ROBO1: variants seen among roughly 807,000 people sequenced by gnomAD.
ROBO1 encodes roundabout homolog 1.
ROBO1 carries 149 observed loss-of-function variants against 195.9 expected under a neutral mutation model. The ratio of observed to expected loss-of-function variants is 0.76; its 90% CI spans 0.67 to 0.87. ROBO1 has a LOEUF of 0.87. Among genes scored for constraint, ROBO1 ranks in the 40% least tolerant of loss-of-function variants. ROBO1 has a pLI of 0.00. For missense variants in ROBO1, 1,933 were observed against 2,068.3 expected, an observed-to-expected ratio of 0.93 and a Z score of 1.27; for synonymous variants, 816 against 733.2, an observed-to-expected ratio of 1.11 and a Z score of -1.82.
chr3:78,972,097 T>C (rs181328688), intron 3 of ROBO1, among the ~76,000 whole-genome samples: 31 of 152,330 alleles, frequency 2.0e-4, no homozygotes, highest in Admixed American at 8.5e-4. Context: ...AAAAGTTAAT[T>C]AAACACATTC....
intron 4 of ROBO1, among the ~76,000 whole-genome samples, chr3:78,934,792 T>C (rs1338835822): frequency 1.3e-5 from 2 of 151,874 alleles, no homozygotes; most frequent in African/African-American, 4.8e-5. Context: ...GATACACACA[T>C]AGACACACAC....
chr3:79,726,726 T>C (rs543988371), intron 1 of ROBO1, among the ~76,000 whole-genome samples: 1 of 152,300 alleles, frequency 6.6e-6, no homozygotes, highest in South Asian at 2.1e-4. Flanking sequence ...AATACATTTG[T>C]ACCTATATTT....
chr3:78,850,045 C>T (rs1460732877), intron 4 of ROBO1, among the ~76,000 whole-genome samples: 1 of 152,126 alleles, frequency 6.6e-6, no homozygotes, highest in Non-Finnish European at 1.5e-5. Context: ...CATACAGTAA[C>T]ATGCTGTACA....
At chr3:79,042,147 C>T (rs946522642) in intron 3 of ROBO1, among the ~76,000 whole-genome samples, 15 of 152,184 alleles carry the variant, frequency 9.9e-5, no homozygotes, top group Non-Finnish European at 1.5e-5. Flanking sequence ...TATACACATA[C>T]ATACAGGTCC....
intron 4 of ROBO1, among the ~76,000 whole-genome samples, chr3:78,776,239 CTTATTTAT>C (rs4055619): frequency 2.7e-5 from 4 of 150,746 alleles, no homozygotes; most frequent in East Asian, 2.0e-4. Context: ...TGAAGAAATT[CTTATTTAT>C]TTATTTATTT....
intron 2 of ROBO1, among the ~76,000 whole-genome samples, chr3:79,134,206 C>A (rs371571118): frequency 7.2e-6 from 1 of 138,230 alleles, no homozygotes; most frequent in African/African-American, 2.8e-5. Flanking sequence ...AAACAAACAA[C>A]CCCATCAAAA....
At chr3:79,277,721 A>G (rs547608513) in intron 2 of ROBO1, among the ~76,000 whole-genome samples, 1 of 152,128 alleles carries the variant, frequency 6.6e-6, no homozygotes, top group South Asian at 2.1e-4. Context: ...CTATATCAAA[A>G]AATCTCAAGG....
chr3:79,487,508 C>T (rs1394780432), intron 2 of ROBO1, among the ~76,000 whole-genome samples: 1 of 152,166 alleles, frequency 6.6e-6, no homozygotes, highest in Non-Finnish European at 1.5e-5. Context: ...AACCACTGCG[C>T]CGAGCCAACT....
rs551352845 is a variant in ROBO1 at position 79,033,816 on chromosome 3, G to T, written c.172+91640C>A. On this transcript the variant is annotated intron_variant, in intron 3 of 30. Transcript: ENST00000464233. ...CTACAATATATATTAAAATACTCTG[G>T]TCTTCATTTCTCAAAGTGCTTTTTC... Among the ~76,000 whole-genome samples, 11 of 152,044 alleles carry T rather than the reference G, an allele frequency of 7.2e-5. No individual in the cohort carries two copies. The South Asian group carries it at 2.3e-3, about 32-fold the overall frequency.
chr3:78,990,072 G>A (rs1487150190), intron 3 of ROBO1, among the ~76,000 whole-genome samples: 2 of 152,014 alleles, frequency 1.3e-5, no homozygotes, highest in East Asian at 3.9e-4. Flanking sequence ...AAAGAAAGGA[G>A]AAATTATCAG....
intron 2 of ROBO1, among the ~76,000 whole-genome samples, chr3:79,547,935 C>A (rs1313289874): frequency 6.6e-6 from 1 of 151,966 alleles, no homozygotes; most frequent in Non-Finnish European, 1.5e-5. Context: ...TATTTTTCCT[C>A]TTCTCCTTTT....
At chr3:79,629,581 T>C (rs1348233315) in intron 1 of ROBO1, among the ~76,000 whole-genome samples, 4 of 151,484 alleles carry the variant, frequency 2.6e-5, no homozygotes, top group African/African-American at 9.7e-5. Context: ...CAACCCAAGG[T>C]ACTAGATAAA....
intron 5 of ROBO1, among the ~76,000 whole-genome samples, chr3:78,730,770 C>A (rs1285175744): frequency 6.6e-6 from 1 of 152,134 alleles, no homozygotes; most frequent in African/African-American, 2.4e-5. Context: ...ATGGAAAACA[C>A]GTTCAAAACA....
chr3:79,297,087 T>C (rs1480258554), intron 2 of ROBO1, among the ~76,000 whole-genome samples: 1 of 152,196 alleles, frequency 6.6e-6, no homozygotes, highest in Non-Finnish European at 1.5e-5. Flanking sequence ...TATTTTCAAA[T>C]ACAAAATGTA....
intron 2 of ROBO1, among the ~76,000 whole-genome samples, chr3:79,281,035 T>G (rs1466120525): frequency 6.6e-6 from 1 of 152,170 alleles, no homozygotes; most frequent in Non-Finnish European, 1.5e-5. Flanking sequence ...TAAAAAAGAA[T>G]GTACTTCGTT....
At chr3:79,286,425 T>C (rs2031891657) in intron 2 of ROBO1, among the ~76,000 whole-genome samples, 1 of 152,166 alleles carries the variant, frequency 6.6e-6, no homozygotes, top group Admixed American at 6.5e-5. Flanking sequence ...CCTGTGGAAA[T>C]GCAGTCATAC....
intron 1 of ROBO1, among the ~76,000 whole-genome samples, chr3:79,687,492 T>A (rs1036671994): frequency 6.6e-6 from 1 of 151,968 alleles, no homozygotes; most frequent in Non-Finnish European, 1.5e-5. Flanking sequence ...AGGGCTAATA[T>A]CCAGAATCTA....
intron 1 of ROBO1, among the ~76,000 whole-genome samples, chr3:79,656,943 C>T (rs577890026): frequency 6.6e-6 from 1 of 151,890 alleles, no homozygotes; most frequent in African/African-American, 2.4e-5. Flanking sequence ...CAATGGACAA[C>T]TATAGCAGGT....
At chr3:79,535,557 A>G (rs1941825938) in intron 2 of ROBO1, among the ~76,000 whole-genome samples, 1 of 152,176 alleles carries the variant, frequency 6.6e-6, no homozygotes, top group Non-Finnish European at 1.5e-5. Context: ...CAAAGATAGG[A>G]ATTTTCAACT....
Sources: gnomAD v4.1 joint callset for allele counts (sites outside exome capture counted in the v4.1 genomes callset) on GRCh38, gnomAD v4.1.1 for gene constraint, MANE v1.5 for transcripts, NCBI Gene and HGNC (gene_info 2026-07-23, HGNC 2026-07-21) for gene names.